Variants in BRD4 observed in about 807,000 individuals in gnomAD.
BRD4 encodes bromodomain containing 4, also known as bromodomain-containing protein 4.
BRD4 carries 16 observed loss-of-function variants against 142.1 expected under a neutral mutation model. That is an observed-to-expected ratio of 0.11 (90% CI 0.08 to 0.17). The LOEUF (loss-of-function observed/expected upper bound fraction) is 0.17, where lower values mean the gene tolerates loss of function less well. Ranked by LOEUF, BRD4 falls within the 10% of genes least tolerant of loss-of-function variation. The pLI is 1.00. For missense variants in BRD4, 1,424 were observed against 1,810.9 expected (o/e 0.79, Z 3.88); for synonymous variants, 833 against 707.5 (o/e 1.18, Z -2.82).
At chr19:15,308,468 T>A (rs1004753566) in intron 1 of BRD4, among the ~76,000 whole-genome samples, 4 of 150,378 alleles carry the variant, frequency 2.7e-5, no homozygotes, top group Non-Finnish European at 4.4e-5. Context: ...GCACCTGTAG[T>A]CCCAGCTACT....
intron 10 of BRD4, among the ~76,000 whole-genome samples, chr19:15,254,922 AGT>A (rs1380549686): frequency 6.6e-6 from 1 of 152,208 alleles, no homozygotes; most frequent in Non-Finnish European, 1.5e-5. Context: ...AGGCTGGCTC[AGT>A]GCTGCATAAC....
chr19:15,259,016 G>C (rs1050408172), intron 7 of BRD4, among the ~76,000 whole-genome samples: 1 of 152,184 alleles, frequency 6.6e-6, no homozygotes, highest in African/African-American at 2.4e-5. Flanking sequence ...GGGAGGAAAA[G>C]GTGGGGGGCT....
chr19:15,252,577 G>A (rs896331087), intron 11 of BRD4, among the ~76,000 whole-genome samples: 3 of 152,230 alleles, frequency 2.0e-5, no homozygotes, highest in Admixed American at 1.3e-4. Flanking sequence ...GCTTCGGGTG[G>A]CAAAGCCAGC....
At chr19:15,287,902 G>T (rs2047752448) in intron 1 of BRD4, among the ~76,000 whole-genome samples, 1 of 152,046 alleles carries the variant, frequency 6.6e-6, no homozygotes, top group Non-Finnish European at 1.5e-5. Context: ...CCGAGTAGCT[G>T]GGACTACAGA....
intron 1 of BRD4, chr19:15,275,776 A>G (rs533597136): frequency 6.6e-6 from 1 of 152,220 alleles, no homozygotes; most frequent in East Asian, 1.9e-4. Context: ...GGAGGCCAAG[A>G]AGGGTGGGTC....
intron 1 of BRD4, among the ~76,000 whole-genome samples, chr19:15,321,065 C>G (rs910521121): frequency 6.6e-6 from 1 of 152,094 alleles, no homozygotes; most frequent in African/African-American, 2.4e-5. Context: ...GAAACCCTGC[C>G]CCTACTAAAA....
At chr19:15,245,258 G>C (rs921646142) in intron 11 of BRD4, among the ~76,000 whole-genome samples, 4 of 152,120 alleles carry the variant, frequency 2.6e-5, no homozygotes, top group East Asian at 1.9e-4. Flanking sequence ...GCCTCCAACT[G>C]CATGGCCCTC....
chr19:15,315,148 C>A (rs967919137), intron 1 of BRD4, among the ~76,000 whole-genome samples: 2 of 151,998 alleles, frequency 1.3e-5, no homozygotes, highest in African/African-American at 4.8e-5. Context: ...TCTGGACTGG[C>A]TTTGTTTTTT....
At chr19:15,245,500 T>C (rs2047277918) in intron 11 of BRD4, among the ~76,000 whole-genome samples, 1 of 152,152 alleles carries the variant, frequency 6.6e-6, no homozygotes, top group Non-Finnish European at 1.5e-5. Context: ...GAAGGCAGCA[T>C]ACGCCCCCAC....
Position 15,237,735 on chromosome 19 carries a change from CG to C in BRD4, c.*641del. 4.3e-6 allele frequency: 1 copy of C among 232,924 alleles called. No homozygotes were observed. 14.4% of individuals were successfully genotyped at this position (232,924 alleles called of 1,614,324 possible). ...CCCACGCAGGACAGTCGCCTCGCTC[CG>C]GATGCCATGGACACACACACCTCCA... On this transcript the variant is annotated 3_prime_UTR_variant, in exon 20 of 20. Transcript: ENST00000679869.
In BRD4 at chr19:15,237,207, A is replaced by C. The variant is rs1326333206; in HGVS notation, c.*1170T>G. 7.3e-6 allele frequency: 1 copy of C among 137,650 alleles called. No individual in the cohort carries two copies. The highest frequency in any genetic ancestry group is 9.3e-5 in the Admixed American group (1 of 10,704). The allele number at this position is 137,650 out of a possible 1,614,324, so 8.5% of individuals were successfully genotyped here. On this transcript the variant is annotated 3_prime_UTR_variant, in exon 20 of 20. Transcript: ENST00000679869. ...CCAAAACCAAAAAAACCAACTCAAC[A>C]GATCTGACATTAAAAAACAAAAAAG...
intron 1 of BRD4, among the ~76,000 whole-genome samples, chr19:15,309,338 CAAAAAAAAA>C (rs59956347): frequency 1.4e-5 from 1 of 72,938 alleles, no homozygotes; most frequent in Non-Finnish European, 2.7e-5. Flanking sequence ...ACTCCACCTC[CAAAAAAAAA>C]AAAAAAAAAC....
chr19:15,250,845 A>G (rs2047336209), intron 11 of BRD4, among the ~76,000 whole-genome samples: 1 of 152,190 alleles, frequency 6.6e-6, no homozygotes, highest in Non-Finnish European at 1.5e-5. Flanking sequence ...TAATGACAGC[A>G]AAGCCACAGT....
intron 1 of BRD4, among the ~76,000 whole-genome samples, chr19:15,298,653 A>C (rs2047843603): frequency 7.9e-6 from 1 of 126,346 alleles, no homozygotes. Context: ...AAAAAAAAAA[A>C]AAAAAAAGCT....
intron 5 of BRD4, 133 bp from the exon 6 acceptor site, chr19:15,264,899 A>G (rs918558708): frequency 7.2e-7 from 1 of 1,394,592 alleles, no homozygotes; most frequent in African/African-American, 1.4e-5. Context: ...AGATAATTGC[A>G]CAGGCAAAGG....
chr19:15,325,938 CAGTT>C (rs1304951240), intron 1 of BRD4, among the ~76,000 whole-genome samples: 1 of 132,430 alleles, frequency 7.6e-6, no homozygotes, highest in East Asian at 2.2e-4. Context: ...GCAGAGGCTG[CAGTT>C]AGCTGAGATC....
At chr19:15,286,171 T>C (rs539931608) in intron 1 of BRD4, among the ~76,000 whole-genome samples, 28 of 152,296 alleles carry the variant, frequency 1.8e-4, no homozygotes, top group Non-Finnish European at 3.5e-4. Context: ...CAAAGGTCTT[T>C]CCTCAGGTAT....
chr19:15,319,197 CG>C (rs2048041131), intron 1 of BRD4, among the ~76,000 whole-genome samples: 1 of 151,874 alleles, frequency 6.6e-6, no homozygotes, highest in Non-Finnish European at 1.5e-5. Context: ...AGGCTGGGAG[CG>C]GTGCCTCACA....
At chr19:15,241,805 C>CTTTTTTTTTT (rs906788611) in intron 14 of BRD4, among the ~76,000 whole-genome samples, 1 of 104,320 alleles carries the variant, frequency 9.6e-6, no homozygotes, top group Non-Finnish European at 1.9e-5. Context: ...TGGCACCTGA[C>CTTTTTTTTTT]TTTTTTTTTT....
Sources: gnomAD v4.1 joint callset for allele counts (sites outside exome capture counted in the v4.1 genomes callset) on GRCh38, gnomAD v4.1.1 for gene constraint, MANE v1.5 for transcripts, NCBI Gene and HGNC (gene_info 2026-07-23, HGNC 2026-07-21) for gene names.